MAMDC2: variants seen among roughly 807,000 people sequenced by gnomAD.
MAMDC2 encodes MAM domain-containing protein 2.
Under a neutral mutation model 89.8 loss-of-function variants are expected in MAMDC2, and 57 were observed. That is an observed-to-expected ratio of 0.63 (90% CI 0.51 to 0.79). The LOEUF (loss-of-function observed/expected upper bound fraction) is 0.79, where lower values mean the gene tolerates loss of function less well. MAMDC2 is among the 30% of genes least tolerant of loss of function. MAMDC2 has a pLI of 0.00. For synonymous variants in MAMDC2, 313 were observed against 293.4 expected (o/e 1.07, Z -0.68); for missense variants, 800 against 820.6 (o/e 0.97, Z 0.31).
intron 2 of MAMDC2, among the ~76,000 whole-genome samples, chr9:70,056,667 G>A (rs1827031120): frequency 6.6e-6 from 1 of 152,092 alleles, no homozygotes; most frequent in Non-Finnish European, 1.5e-5. Flanking sequence ...TTGCTTTAAA[G>A]CAGGGGTCCC....
intron 5 of MAMDC2, chr9:70,113,965 A>G (rs1828576449): frequency 6.6e-6 from 1 of 151,978 alleles, no homozygotes; most frequent in East Asian, 1.9e-4. Flanking sequence ...ACTCATCCTA[A>G]TAATTTGTTG....
chr9:70,150,090 A>G (rs7856528), intron 9 of MAMDC2, among the ~76,000 whole-genome samples: 119,272 of 152,090 alleles, frequency 0.78, 46,899 homozygotes, highest in Admixed American at 0.83. Flanking sequence ...AGTAGTCCTC[A>G]TGTGTACCCT....
intron 2 of MAMDC2, among the ~76,000 whole-genome samples, chr9:70,071,028 G>A (rs1016479615): frequency 1.1e-4 from 16 of 151,998 alleles, no homozygotes; most frequent in African/African-American, 2.2e-4. Flanking sequence ...AATATCCACC[G>A]TCCAGAACTC....
intron 11 of MAMDC2, among the ~76,000 whole-genome samples, chr9:70,185,267 G>A (rs1277125782): frequency 2.0e-5 from 3 of 152,206 alleles, no homozygotes; most frequent in African/African-American, 7.2e-5. Flanking sequence ...TTGTCCCAGA[G>A]GGCCACCTGC....
At chr9:70,174,630 C>T (rs1463284045) in intron 11 of MAMDC2, among the ~76,000 whole-genome samples, 1 of 151,996 alleles carries the variant, frequency 6.6e-6, no homozygotes, top group African/African-American at 2.4e-5. Flanking sequence ...TAGCTATAGC[C>T]TAGTGAGCTA....
intron 6 of MAMDC2, among the ~76,000 whole-genome samples, chr9:70,128,932 C>T (rs1392349140): frequency 1.3e-5 from 2 of 152,226 alleles, no homozygotes; most frequent in Non-Finnish European, 2.9e-5. Flanking sequence ...GCTGGAATTA[C>T]AGGCATGAAC....
chr9:70,218,316 T>G (rs766611426), intron 11 of MAMDC2, 21 bp from the exon 12 acceptor site: 1 of 1,587,758 alleles, frequency 6.3e-7, no homozygotes, highest in South Asian at 1.1e-5. Flanking sequence ...TAACAATACC[T>G]GCTTTTGCAT....
intron 9 of MAMDC2, among the ~76,000 whole-genome samples, chr9:70,160,169 G>A (rs1009454690): frequency 2.6e-5 from 4 of 151,972 alleles, no homozygotes; most frequent in African/African-American, 4.8e-5. Context: ...CCGTGATTGC[G>A]CTACTGCACT....
At chr9:70,180,448 C>T (rs566697181) in intron 11 of MAMDC2, among the ~76,000 whole-genome samples, 1 of 152,280 alleles carries the variant, frequency 6.6e-6, no homozygotes, top group East Asian at 1.9e-4. Context: ...CACTGTCTCC[C>T]ACAATGGTTG....
At chr9:70,045,618 G>C (rs1826729715) in intron 2 of MAMDC2, among the ~76,000 whole-genome samples, 1 of 152,094 alleles carries the variant, frequency 6.6e-6, no homozygotes, top group Admixed American at 6.5e-5. Context: ...TCGCTCCCTG[G>C]GGGAGGATGG....
chr9:70,107,208 G>A (rs955997154), intron 2 of MAMDC2, among the ~76,000 whole-genome samples: 1 of 152,146 alleles, frequency 6.6e-6, no homozygotes, highest in Non-Finnish European at 1.5e-5. Flanking sequence ...CAGATGGCCA[G>A]AGGTGGGTTT....
At chr9:70,066,608 G>A (rs180998040) in intron 2 of MAMDC2, among the ~76,000 whole-genome samples, 152 of 152,280 alleles carry the variant, frequency 1.0e-3, no homozygotes, top group African/African-American at 3.6e-3. Flanking sequence ...TGATGGTACA[G>A]GTTGTTCGCT....
intron 9 of MAMDC2, among the ~76,000 whole-genome samples, chr9:70,144,845 G>A (rs1366749604): frequency 1.3e-5 from 2 of 152,152 alleles, no homozygotes; most frequent in African/African-American, 4.8e-5. Context: ...TAGAATCATA[G>A]CTGTGTCCAT....
chr9:70,219,657 A>T (rs1390315805), intron 12 of MAMDC2, among the ~76,000 whole-genome samples: 1 of 152,228 alleles, frequency 6.6e-6, no homozygotes, highest in Non-Finnish European at 1.5e-5. Context: ...GACAGGGAAG[A>T]TGAGCCATTA....
At chr9:70,071,614 A>G (rs1587444142) in intron 2 of MAMDC2, 1 of 152,306 alleles carries the variant, frequency 6.6e-6, no homozygotes, top group Middle Eastern at 3.4e-3. Context: ...TATTCTTATC[A>G]GTAAGATAAA....
chr9:70,200,062 C>G (rs1833270526), intron 11 of MAMDC2, among the ~76,000 whole-genome samples: 1 of 150,424 alleles, frequency 6.6e-6, no homozygotes, highest in African/African-American at 2.4e-5. Flanking sequence ...TTAATTAGAT[C>G]CCATTTGTCA....
intron 2 of MAMDC2, among the ~76,000 whole-genome samples, chr9:70,075,369 C>G (rs184858218): frequency 2.0e-5 from 3 of 152,162 alleles, no homozygotes; most frequent in Non-Finnish European, 4.4e-5. Context: ...ATCACCTGCA[C>G]CAGAATCGCT....
chr9:70,209,864 CT>C (rs1385782588), intron 11 of MAMDC2, among the ~76,000 whole-genome samples: 1 of 152,176 alleles, frequency 6.6e-6, no homozygotes, highest in African/African-American at 2.4e-5. Flanking sequence ...CAGAGAACAT[CT>C]TTATCTCTGC....
At chr9:70,198,694 A>C (rs997347363) in intron 11 of MAMDC2, among the ~76,000 whole-genome samples, 1 of 152,198 alleles carries the variant, frequency 6.6e-6, no homozygotes, top group Non-Finnish European at 1.5e-5. Flanking sequence ...ACAGTTAAAT[A>C]TTCCAATAAA....
Sources: allele counts gnomAD v4.1 joint callset (sites outside exome capture counted in the v4.1 genomes callset), GRCh38; gene constraint gnomAD v4.1.1; transcripts MANE v1.5; gene names NCBI Gene and HGNC (gene_info 2026-07-23, HGNC 2026-07-21).